The following BRWD1 variants were observed in gnomAD, a reference collection of about 807,000 sequenced individuals.
BRWD1 encodes bromodomain and WD repeat-containing protein 1.
A neutral mutation model predicts 251.2 loss-of-function variants in BRWD1; 82 were observed. The observed-to-expected ratio is 0.33, with a 90% CI of 0.27 to 0.39. The LOEUF (loss-of-function observed/expected upper bound fraction) is 0.39, where lower values mean the gene tolerates loss of function less well. BRWD1 is among the 10% of genes least tolerant of loss of function. The probability of loss-of-function intolerance (pLI) is 1.00; values close to 1 mark genes in which losing one functional copy is unlikely to be tolerated. For synonymous variants in BRWD1, 918 were observed against 902.8 expected, an observed-to-expected ratio of 1.02 and a Z score of -0.30; for missense variants, 2,233 against 2,711.6, an observed-to-expected ratio of 0.82 and a Z score of 3.92.
chr21:39,194,647 A>G lies in BRWD1; in HGVS notation c.*1612T>C, dbSNP rs890139327. ...CCTTCTACTATGTCAAATGGAATAGATAACTACAAAATAGGAACACTTCAG... is the reference window on the plus strand; with the variant it reads ...CCTTCTACTATGTCAAATGGAATAGGTAACTACAAAATAGGAACACTTCAG... On this transcript the variant is annotated 3_prime_UTR_variant, in exon 41 of 41. Transcript: ENST00000342449. 9.8e-6 allele frequency: 15 copies of G among 1,532,820 alleles called. No individual in the cohort carries two copies. Among genetic ancestry groups the G allele is most frequent in the Non-Finnish European group, 1.3e-5 (15 of 1,144,856 alleles). 95.0% of individuals were successfully genotyped at this position (1,532,820 alleles called of 1,614,324 possible).
chr21:39,305,443 C>A (rs532926135), intron 4 of BRWD1, among the ~76,000 whole-genome samples: 1 of 152,244 alleles, frequency 6.6e-6, no homozygotes, highest in African/African-American at 2.4e-5. Flanking sequence ...GGTAGCACAG[C>A]CAGCCAGGCA....
intron 8 of BRWD1, among the ~76,000 whole-genome samples, chr21:39,292,142 G>T (rs977134968): frequency 4.0e-4 from 39 of 96,982 alleles, no homozygotes; most frequent in African/African-American, 1.4e-3. Context: ...TGGGGGGGGG[G>T]GTCTCACTAA....
chr21:39,201,456 A>T (rs1312971441), intron 38 of BRWD1, among the ~76,000 whole-genome samples: 2 of 152,364 alleles, frequency 1.3e-5, no homozygotes. Flanking sequence ...GAAAGTTGCT[A>T]AACTTTGACT....
intron 8 of BRWD1, among the ~76,000 whole-genome samples, chr21:39,285,965 T>C (rs893951064): frequency 2.7e-5 from 4 of 148,182 alleles, no homozygotes; most frequent in Non-Finnish European, 4.5e-5. Context: ...TGCTCACTCA[T>C]GCATCCTAGG....
At position 39,265,282 on chromosome 21, in the gene BRWD1, G is replaced by A. The variant is rs182204114; in HGVS notation, c.1531-263C>T. On this transcript the variant is annotated intron_variant, in intron 15 of 40. Transcript: ENST00000342449. ...CTACTAAAAATACAAAAAATTAGCC[G>A]GGCGTGGCAGTGTGCGTCTGTAGTC... is the stretch of plus-strand genomic sequence containing the variant. 1.5e-4 allele frequency among the ~76,000 whole-genome samples: 23 copies of A among 152,050 alleles called. No individual in the cohort carries two copies. The East Asian group carries it at 2.5e-3, about 17-fold the overall frequency.
Position 39,192,403 on chromosome 21 carries a change from A to T in BRWD1, c.*3856T>A, listed in dbSNP as rs189064105. On this transcript the variant is annotated 3_prime_UTR_variant, in exon 41 of 41. Coordinates refer to ENST00000342449, the MANE Select transcript of BRWD1 (RefSeq NM_033656.4). Reference sequence around the variant, plus strand: ...TTCTCTTCCCAAATACTAGGATAAGAGACAGTCTCAAACTGTTAAGTTGCA... The same window carrying T: ...TTCTCTTCCCAAATACTAGGATAAGTGACAGTCTCAAACTGTTAAGTTGCA... The T allele has an allele frequency of 1.0e-6, 1 of 985,256 alleles. No homozygotes were observed. Among genetic ancestry groups the T allele is most frequent in the Non-Finnish European group, 1.2e-6 (1 of 829,818 alleles). The allele number at this position is 985,256 out of a possible 1,614,324, so 61.0% of individuals were successfully genotyped here. A position where few individuals can be genotyped will look rare whatever the true frequency, so the allele number is the denominator to read the frequency against.
Position 39,301,873 on chromosome 21 carries a change from T to C in BRWD1, c.199-3291A>G, listed in dbSNP as rs995167323. On this transcript the variant is annotated intron_variant, in intron 4 of 40. Coordinates refer to ENST00000342449, the MANE Select transcript of BRWD1 (RefSeq NM_033656.4). ...CCAACATTAGGAAGGCATAAGGCAGTAGAACATCTTTACTGTGCCGAAAAA... is the reference window on the plus strand; with the variant it reads ...CCAACATTAGGAAGGCATAAGGCAGCAGAACATCTTTACTGTGCCGAAAAA... 4.6e-5 allele frequency among the ~76,000 whole-genome samples: 6 copies of C among 131,762 alleles called. No homozygotes were observed. In the South Asian group the frequency reaches 1.4e-3, roughly 30 times the overall value. 86.4% of individuals were successfully genotyped at this position (131,762 alleles called of 152,430 possible). A position where few individuals can be genotyped will look rare whatever the true frequency, so the allele number is the denominator to read the frequency against.
At chr21:39,284,628 G>T (rs889596672) in intron 8 of BRWD1, among the ~76,000 whole-genome samples, 2 of 152,178 alleles carry the variant, frequency 1.3e-5, no homozygotes, top group Non-Finnish European at 2.9e-5. Flanking sequence ...TCTGACTGGG[G>T]TGAGGTAGTA....
At chr21:39,207,487 C>CACACACACACAA (rs1453453078) in intron 36 of BRWD1, among the ~76,000 whole-genome samples, 26 of 146,576 alleles carry the variant, frequency 1.8e-4, no homozygotes, top group African/African-American at 6.3e-4. Context: ...CACACACAAA[C>CACACACACACAA]AAAACTCCAA....
chr21:39,303,007 C>T (rs889161709), intron 4 of BRWD1, among the ~76,000 whole-genome samples: 3 of 151,626 alleles, frequency 2.0e-5, no homozygotes, highest in Middle Eastern at 3.4e-3. Context: ...TGCAGTGAGC[C>T]GAGATCACAC....
chr21:39,263,397 G>C (rs1462958832), intron 17 of BRWD1, among the ~76,000 whole-genome samples: 1 of 152,024 alleles, frequency 6.6e-6, no homozygotes, highest in East Asian at 1.9e-4. Flanking sequence ...GACAAACCTG[G>C]AACATCCTAC....
In BRWD1 at chr21:39,186,181, A is replaced by G. The variant is rs533767463; in HGVS notation, c.*10078T>C. The G allele has an allele frequency of 2.0e-5, 3 of 152,186 alleles. No homozygotes were observed. The highest frequency in any genetic ancestry group is 4.4e-5 in the Non-Finnish European group (3 of 68,022). 9.4% of individuals were successfully genotyped at this position (152,186 alleles called of 1,614,324 possible). On this transcript the variant is annotated 3_prime_UTR_variant, in exon 41 of 41. Coordinates refer to ENST00000342449, the MANE Select transcript of BRWD1 (RefSeq NM_033656.4). ...ATCTTAAGCTATACATTTTATTTTT[A>G]TCTAACTGATTAAGACCTGCCTCTT...
intron 8 of BRWD1, among the ~76,000 whole-genome samples, chr21:39,288,599 G>A (rs1008846963): frequency 2.3e-4 from 35 of 152,280 alleles, no homozygotes; most frequent in African/African-American, 6.3e-4. Context: ...AAATCCACAC[G>A]TAACTTCTGA....
chr21:39,249,460 A>G (rs2034316768), intron 20 of BRWD1, among the ~76,000 whole-genome samples: 2 of 130,458 alleles, frequency 1.5e-5, no homozygotes, highest in Non-Finnish European at 3.3e-5. Flanking sequence ...TGTTTTAAAT[A>G]TATTTTTATC....
At chr21:39,289,939 G>A (rs949060672) in intron 8 of BRWD1, among the ~76,000 whole-genome samples, 6 of 150,640 alleles carry the variant, frequency 4.0e-5, no homozygotes, top group Admixed American at 1.3e-4. Context: ...GCAGGAGAAT[G>A]GCGTGAACCC....
chr21:39,210,076 A>C lies in BRWD1; in HGVS notation c.4116T>G (p.Tyr1372Ter). The C allele has an allele frequency of 6.2e-7, 1 of 1,613,580 alleles. No homozygotes were observed. The highest frequency in any genetic ancestry group is 8.5e-7 in the Non-Finnish European group (1 of 1,179,616). Residue 1372 changes from tyrosine to a stop codon, truncating the protein, a stop_gained, in exon 36 of 41, where the codon TAT becomes TAG. Transcript: ENST00000342449. LOFTEE classifies it high-confidence loss of function. ...CTTTGCAAAACTCCAAAGGGCTGTC[A>C]TAATTTCCCGCATCTAGAGTTTCCC... ...TVRETLDAGNYDSPLEFCKDI... is the reference protein window; with the variant it reads ...TVRETLDAGN
intron 4 of BRWD1, among the ~76,000 whole-genome samples, chr21:39,304,785 AT>A (rs2036232920): frequency 2.6e-5 from 4 of 152,170 alleles, no homozygotes; most frequent in African/African-American, 9.7e-5. Flanking sequence ...TGGTGTGGCT[AT>A]ATTAATGTAA....
intron 15 of BRWD1, 117 bp from the exon 16 acceptor site, chr21:39,265,136 AG>A: frequency 9.1e-7 from 1 of 1,096,628 alleles, no homozygotes; most frequent in Non-Finnish European, 1.3e-6. Flanking sequence ...AAAAAAAAAA[AG>A]TTTCAGCCAG....
In BRWD1 at chr21:39,188,888, T is replaced by C. The variant is rs2031393890; in HGVS notation, c.*7371A>G. ...TGTTCAGTGTTCAGTCTCCAGGCATTGTAAATGGCATTTTACCAGAGTAAG... is the reference window on the plus strand; with the variant it reads ...TGTTCAGTGTTCAGTCTCCAGGCATCGTAAATGGCATTTTACCAGAGTAAG... On this transcript the variant is annotated 3_prime_UTR_variant, in exon 41 of 41. Transcript: ENST00000342449. 1.0e-6 allele frequency: 1 copy of C among 985,324 alleles called. No individual in the cohort carries two copies. The highest frequency in any genetic ancestry group is 1.2e-6 in the Non-Finnish European group (1 of 829,928). 61.0% of individuals were successfully genotyped at this position (985,324 alleles called of 1,614,324 possible).
Sources: allele counts gnomAD v4.1 joint callset (sites outside exome capture counted in the v4.1 genomes callset), GRCh38; gene constraint gnomAD v4.1.1; transcripts MANE v1.5; gene names NCBI Gene and HGNC (gene_info 2026-07-23, HGNC 2026-07-21).